NAA16: variants seen among roughly 807,000 people sequenced by gnomAD.
NAA16 encodes the protein NARG1-like protein.
NAA16 carries 97 observed loss-of-function variants against 110.3 expected under a neutral mutation model. The ratio of observed to expected loss-of-function variants is 0.88; its 90% CI spans 0.75 to 1.04. NAA16 has a LOEUF of 1.04. NAA16 is among the 50% of genes least tolerant of loss of function. The pLI is 0.00. For missense variants in NAA16, 1,017 were observed against 1,005.1 expected (o/e 1.01, Z -0.16); for synonymous variants, 372 against 330.6 (o/e 1.13, Z -1.36).
chr13:41,320,928 ATTGT>A (rs1304445553), intron 4 of NAA16, 104 bp downstream of exon 4: 55 of 1,012,406 alleles, frequency 5.4e-5, no homozygotes, highest in Non-Finnish European at 5.6e-5. Flanking sequence ...AGTAGATTTG[ATTGT>A]TCATTAGAAG....
intron 8 of NAA16, among the ~76,000 whole-genome samples, chr13:41,333,827 C>G (rs1227261353): frequency 6.6e-6 from 1 of 151,530 alleles, no homozygotes; most frequent in Non-Finnish European, 1.5e-5. Flanking sequence ...TATATTTTTA[C>G]TGGAAGAGCT....
rs141694407 is a variant in NAA16 at position 41,316,543 on chromosome 13, G to A, written c.55-303G>A. Among the ~76,000 whole-genome samples, 543 of 152,108 alleles carry A rather than the reference G, an allele frequency of 3.6e-3. 1 individual carries two copies. The highest frequency in any genetic ancestry group is 0.012 in the African/African-American group (489 of 41,490). On this transcript the variant is annotated intron_variant, in intron 1 of 19. Coordinates refer to ENST00000379406, the MANE Select transcript of NAA16 (RefSeq NM_024561.5). ...TGGTCTCGAACTCCTGAGCTCAAGC[G>A]ATCCGCCCACCTTTGCCTCCCAAAG...
chr13:41,318,464 A>G (rs1260238526), intron 2 of NAA16, among the ~76,000 whole-genome samples: 1 of 152,054 alleles, frequency 6.6e-6, no homozygotes, highest in Non-Finnish European at 1.5e-5. Flanking sequence ...AGCCTCCCTG[A>G]GTGCTGGGAT....
In NAA16 at chr13:41,372,826, A is replaced by G; in HGVS notation, c.2151A>G (p.Lys717=). 1 of 1,576,780 alleles carries G rather than the reference A, an allele frequency of 6.3e-7. No homozygotes were observed. Among genetic ancestry groups the G allele is most frequent in the Non-Finnish European group, 8.6e-7 (1 of 1,158,160 alleles). ...WLHECLIRFS[K]SVSNHSNLPD... ...ATGAATGTTTAATTAGATTTTCTAA[A>G]TCTGGTAAGTATAAAAAAGGACCAT... The change falls in exon 17 of 20, where the codon AAA becomes AAG. Residue 717 remains lysine (K), a synonymous_variant. Transcript: ENST00000379406.
intron 5 of NAA16, 31 bp downstream of exon 5, chr13:41,323,221 A>G (rs1049713854): frequency 6.2e-7 from 1 of 1,606,100 alleles, no homozygotes; most frequent in Non-Finnish European, 8.5e-7. Context: ...TTCTACCTTC[A>G]TAAATGGAGT....
chr13:41,357,358 A>C (rs546058028), intron 10 of NAA16, among the ~76,000 whole-genome samples: 15 of 84,436 alleles, frequency 1.8e-4, no homozygotes, highest in African/African-American at 7.7e-4. Context: ...CATTGCCTAG[A>C]TCCCTTGTTG....
intron 15 of NAA16, among the ~76,000 whole-genome samples, chr13:41,370,602 T>G (rs2043297061): frequency 6.6e-6 from 1 of 152,212 alleles, no homozygotes; most frequent in Non-Finnish European, 1.5e-5. Flanking sequence ...TTTTCTGGAT[T>G]GGTTCCATCC....
At chr13:41,344,166 A>G (rs1359877088) in intron 9 of NAA16, among the ~76,000 whole-genome samples, 1 of 152,180 alleles carries the variant, frequency 6.6e-6, no homozygotes, top group Non-Finnish European at 1.5e-5. Flanking sequence ...TCAGTGGGTA[A>G]AGGATATGAA....
chr13:41,338,874 G>A (rs1203716331), intron 9 of NAA16, among the ~76,000 whole-genome samples: 2 of 152,062 alleles, frequency 1.3e-5, no homozygotes. Flanking sequence ...TGAGCAGTGT[G>A]CACTGCACCC....
intron 13 of NAA16, 46 bp from the exon 14 acceptor site, chr13:41,367,393 T>TA: frequency 1.5e-6 from 2 of 1,365,798 alleles, no homozygotes; most frequent in Non-Finnish European, 2.0e-6. Flanking sequence ...AGGTAGACAT[T>TA]ATTGACATAA....
intron 6 of NAA16, among the ~76,000 whole-genome samples, chr13:41,326,858 T>G (rs1415833960): frequency 6.6e-6 from 1 of 152,176 alleles, no homozygotes; most frequent in Non-Finnish European, 1.5e-5. Context: ...TATAATGACA[T>G]GTATTCACCA....
chr13:41,366,253 T>C (rs1315681846), intron 13 of NAA16, among the ~76,000 whole-genome samples: 1 of 152,182 alleles, frequency 6.6e-6, no homozygotes, highest in Non-Finnish European at 1.5e-5. Flanking sequence ...AATTTTTGTC[T>C]TAAAGTCTCA....
In NAA16 at chr13:41,355,425, T is replaced by TTTTG. The variant is rs548858262; in HGVS notation, c.1087+225_1087+228dup. Reference sequence around the variant, plus strand: ...GATGGGAGTTAACCTTGTGCGGTTTTTTTGTTTGTTTGTTTGTTTTTTGAG... The same window carrying TTTTG: ...GATGGGAGTTAACCTTGTGCGGTTTTTTTGTTTGTTTGTTTGTTTGTTTTTTGAG... On this transcript the variant is annotated intron_variant, in intron 10 of 19. Transcript: ENST00000379406. Among the ~76,000 whole-genome samples, 46 of 152,284 alleles carry TTTTG rather than the reference T, an allele frequency of 3.0e-4. No homozygotes were observed. In the East Asian group the frequency reaches 6.6e-3, roughly 22 times the overall value.
intron 6 of NAA16, 50 bp downstream of exon 6, chr13:41,325,901 CTATA>C (rs2042081709): frequency 6.9e-7 from 1 of 1,458,910 alleles, no homozygotes; most frequent in African/African-American, 1.4e-5. Context: ...AACAAAAAAA[CTATA>C]TATTTTATTC....
rs560027518 is a variant in NAA16, at chr13:41,321,124, G to C, written c.402+300G>C. 2.1e-3 allele frequency among the ~76,000 whole-genome samples: 326 copies of C among 152,112 alleles called. 1 individual carries two copies. Among genetic ancestry groups the C allele is most frequent in the African/African-American group, 7.7e-3 (319 of 41,484 alleles). The stretch of plus-strand genomic sequence containing the variant: ...AAACCAGCCTGGGCAACATAGGCCA[G>C]ACTCCGTCTCTACAAATAAGAAAAT... On this transcript the variant is annotated intron_variant, in intron 4 of 19. Coordinates refer to ENST00000379406, the MANE Select transcript of NAA16 (RefSeq NM_024561.5).
In NAA16 at chr13:41,316,927, G is replaced by A. The variant is rs1245904840; in HGVS notation, c.136G>A (p.Gly46Arg). Residue 46 changes from glycine to arginine, a missense_variant, in exon 2 of 20, where the codon GGA (glycine) becomes AGA (arginine). Gly to Arg is a moderately radical substitution (Grantham distance 125). Transcript: ENST00000379406. ...GTCGAACCCAAAATTTGCTGAACATGGAGGTATTGTCTCATGTGAGAGATT... is the reference window on the plus strand; with the variant it reads ...GTCGAACCCAAAATTTGCTGAACATAGAGGTATTGTCTCATGTGAGAGATT... ...ILSNPKFAEH[G>R]ETLAMKGLTL... is the part of the protein sequence containing the mutation. 1 of 1,609,264 alleles carries A rather than the reference G, an allele frequency of 6.2e-7. No homozygotes were observed. Among genetic ancestry groups the A allele is most frequent in the Admixed American group, 1.7e-5 (1 of 59,992 alleles).
intron 6 of NAA16, among the ~76,000 whole-genome samples, chr13:41,328,275 T>G (rs755017893): frequency 1.1e-4 from 17 of 152,136 alleles, no homozygotes; most frequent in Non-Finnish European, 2.5e-4. Context: ...TGAGTTAAAC[T>G]TCTCCAGTTT....
At chr13:41,313,581 C>T (rs1318263278) in intron 1 of NAA16, among the ~76,000 whole-genome samples, 2 of 152,168 alleles carry the variant, frequency 1.3e-5, no homozygotes, top group Non-Finnish European at 2.9e-5. Flanking sequence ...AAAATTTTTT[C>T]TATTGAAAAA....
rs185108653 is a variant in NAA16 at position 41,345,487 on chromosome 13, C to T, written c.1014+8731C>T. On this transcript the variant is annotated intron_variant, in intron 9 of 19. Coordinates refer to ENST00000379406, the MANE Select transcript of NAA16 (RefSeq NM_024561.5). ...TTGTATATGTTCTTTGGGGAAATGT[C>T]ATTAATTTTCTTTGCCCATTTTTAG... 1.8e-3 allele frequency among the ~76,000 whole-genome samples: 276 copies of T among 152,182 alleles called. 2 individuals are homozygous for T. Among genetic ancestry groups the T allele is most frequent in the Non-Finnish European group, 3.3e-3 (225 of 68,008 alleles).
Sources: allele counts gnomAD v4.1 joint callset (sites outside exome capture counted in the v4.1 genomes callset), GRCh38; gene constraint gnomAD v4.1.1; transcripts MANE v1.5; gene names NCBI Gene and HGNC (gene_info 2026-07-23, HGNC 2026-07-21).